The following VTI1A variants were observed in gnomAD, a reference collection of about 807,000 sequenced individuals.
VTI1A encodes vesicle transport through interaction with t-SNAREs 1A.
VTI1A carries 22 observed loss-of-function variants against 34.9 expected under a neutral mutation model. The observed-to-expected ratio is 0.63, with a 90% confidence interval of 0.45 to 0.90. The LOEUF (loss-of-function observed/expected upper bound fraction) is 0.90, where lower values mean the gene tolerates loss of function less well. Ranked by LOEUF, VTI1A falls within the 40% of genes least tolerant of loss-of-function variation. The probability of loss-of-function intolerance (pLI) is 0.00; values close to 1 mark genes in which losing one functional copy is unlikely to be tolerated. For missense variants in VTI1A, 268 were observed against 275.6 expected, an observed-to-expected ratio of 0.97 and a Z score of 0.20; for synonymous variants, 87 against 97.3, an observed-to-expected ratio of 0.89 and a Z score of 0.62.
At chr10:112,812,454 C>T (rs1389265083) in intron 7 of VTI1A, among the ~76,000 whole-genome samples, 1 of 152,210 alleles carries the variant, frequency 6.6e-6, no homozygotes, top group African/African-American at 2.4e-5. Context: ...GCTTTGCCTA[C>T]AGCAATACAG....
chr10:112,766,902 A>G (rs1489068908), intron 7 of VTI1A, among the ~76,000 whole-genome samples: 3 of 152,246 alleles, frequency 2.0e-5, no homozygotes, highest in South Asian at 2.1e-4. Context: ...ATTTGAAGCT[A>G]TAAAGGGACA....
chr10:112,803,658 C>T (rs1446089875), intron 7 of VTI1A, among the ~76,000 whole-genome samples: 1 of 152,172 alleles, frequency 6.6e-6, no homozygotes, highest in African/African-American at 2.4e-5. Context: ...CCCAGCTACT[C>T]AGGAGGCTGA....
intron 7 of VTI1A, among the ~76,000 whole-genome samples, chr10:112,727,250 A>G (rs1850064171): frequency 6.6e-6 from 1 of 152,234 alleles, no homozygotes; most frequent in South Asian, 2.1e-4. Context: ...GAGTACCTTT[A>G]CTCACCCTAC....
intron 5 of VTI1A, among the ~76,000 whole-genome samples, chr10:112,631,612 T>C (rs1714179332): frequency 6.6e-6 from 1 of 152,176 alleles, no homozygotes; most frequent in Admixed American, 6.5e-5. Context: ...CTTTTTATGG[T>C]TGGGAATATT....
chr10:112,679,101 T>C (rs759141532), intron 7 of VTI1A, among the ~76,000 whole-genome samples: 5 of 152,200 alleles, frequency 3.3e-5, no homozygotes, highest in Non-Finnish European at 5.9e-5. Context: ...GGGCAGGAAA[T>C]GGCTCCTTTT....
chr10:112,774,736 T>C (rs1303705698), intron 7 of VTI1A, among the ~76,000 whole-genome samples: 1 of 152,122 alleles, frequency 6.6e-6, no homozygotes, highest in Non-Finnish European at 1.5e-5. Context: ...AATTAACTCT[T>C]ATTACCTGGA....
chr10:112,773,962 G>A (rs1031305336), intron 7 of VTI1A, among the ~76,000 whole-genome samples: 4 of 152,178 alleles, frequency 2.6e-5, no homozygotes, highest in African/African-American at 9.7e-5. Flanking sequence ...TTAGAGCAGA[G>A]AGGAAGGGCC....
the VTI1A span, among the ~76,000 whole-genome samples, chr10:112,839,561 G>T: frequency 1.4e-5 from 2 of 145,204 alleles, no homozygotes; most frequent in Admixed American, 1.4e-4. Context: ...TAGATGAAAG[G>T]GGGGACAAAC....
rs564352701 is a variant in VTI1A at position 112,756,065 on chromosome 10, AAG to A, written c.561-59218_561-59217del. Reference sequence around the variant, plus strand: ...CAGAAAGGAAAAAAACAGCGAGAAAAAGAGAGAGGGAGGGGAGGAGAGGGAGA... The same window carrying A: ...CAGAAAGGAAAAAAACAGCGAGAAAAAGAGAGGGAGGGGAGGAGAGGGAGA... On this transcript the variant is annotated intron_variant, in intron 7 of 7. Transcript: ENST00000393077. Among the ~76,000 whole-genome samples, 18 of 152,242 alleles carry A rather than the reference AAG, an allele frequency of 1.2e-4. No homozygotes were observed. The East Asian group carries it at 2.1e-3, about 18-fold the overall frequency.
At chr10:112,741,995 TA>T (rs982262461) in intron 7 of VTI1A, among the ~76,000 whole-genome samples, 1 of 151,828 alleles carries the variant, frequency 6.6e-6, no homozygotes, top group Non-Finnish European at 1.5e-5. Context: ...AGCAAGCAAG[TA>T]AAAAAAATAA....
chr10:112,617,868 A>G (rs2134547672), intron 5 of VTI1A, among the ~76,000 whole-genome samples: 1 of 152,344 alleles, frequency 6.6e-6, no homozygotes, highest in Admixed American at 6.5e-5. Context: ...AAAGATATAC[A>G]AAGTGGCCGG....
intron 7 of VTI1A, among the ~76,000 whole-genome samples, chr10:112,670,464 G>A (rs1342103110): frequency 6.6e-6 from 1 of 152,152 alleles, no homozygotes; most frequent in Non-Finnish European, 1.5e-5. Context: ...TGGCTTTCAG[G>A]TTGGCAGATT....
chr10:112,631,794 G>C (rs1408945665), intron 5 of VTI1A, among the ~76,000 whole-genome samples: 2 of 152,190 alleles, frequency 1.3e-5, no homozygotes, highest in Non-Finnish European at 2.9e-5. Context: ...GTGAGGAACA[G>C]TGCATACTGT....
At chr10:112,828,219 T>C in the VTI1A span, among the ~76,000 whole-genome samples, 1 of 152,062 alleles carries the variant, frequency 6.6e-6, no homozygotes, top group Admixed American at 6.6e-5. Flanking sequence ...TGTTTAGGGT[T>C]TTTTGTGTAT....
chr10:112,756,679 TTC>T (rs1167366883), intron 7 of VTI1A, among the ~76,000 whole-genome samples: 3 of 152,182 alleles, frequency 2.0e-5, no homozygotes, highest in African/African-American at 4.8e-5. Context: ...AAATATTTTT[TTC>T]TCTCTATTAG....
rs563479752 is a variant in VTI1A, at chr10:112,817,479, G to GT, written c.*2097dup. 1.9e-3 allele frequency: 449 copies of GT among 230,498 alleles called. 4 individuals carry two copies. The highest frequency in any genetic ancestry group is 9.2e-3 in the African/African-American group (418 of 45,286). The allele number at this position is 230,498 out of a possible 1,614,324, so 14.3% of individuals were successfully genotyped here. ...TCTATGTCTTTATCAGCTCTTGCCT[G>GT]TGATTTTACCCCAATTCAACCTTGG... On this transcript the variant is annotated 3_prime_UTR_variant, in exon 8 of 8. Transcript: ENST00000393077.
intron 7 of VTI1A, among the ~76,000 whole-genome samples, chr10:112,670,333 G>T (rs138220827): frequency 2.6e-5 from 4 of 152,058 alleles, no homozygotes; most frequent in Non-Finnish European, 5.9e-5. Context: ...CATTTTTAGT[G>T]TAAAAAAAAT....
the VTI1A span, among the ~76,000 whole-genome samples, chr10:112,841,523 T>C: frequency 5.9e-5 from 9 of 151,852 alleles, no homozygotes; most frequent in Non-Finnish European, 1.3e-4. Flanking sequence ...ACCACCAAGA[T>C]GGTGCAAGGG....
chr10:112,508,317 T>C (rs1849500312), intron 3 of VTI1A, among the ~76,000 whole-genome samples: 1 of 152,222 alleles, frequency 6.6e-6, no homozygotes, highest in African/African-American at 2.4e-5. Flanking sequence ...GCACTCTTTA[T>C]TTTTCATGCT....
Sources: allele counts gnomAD v4.1 joint callset (sites outside exome capture counted in the v4.1 genomes callset), GRCh38; gene constraint gnomAD v4.1.1; transcripts MANE v1.5; gene names NCBI Gene and HGNC (gene_info 2026-07-23, HGNC 2026-07-21).